GPC5: variants seen among roughly 807,000 people sequenced by gnomAD.
GPC5 encodes glypican-5.
In GPC5, 47 loss-of-function variants were observed where a neutral mutation model predicts 53.9. That is an observed-to-expected ratio of 0.87 (90% CI 0.69 to 1.11). The LOEUF (loss-of-function observed/expected upper bound fraction) is 1.11. GPC5 is among the 50% of genes most tolerant of loss of function. GPC5 has a pLI of 0.00. For synonymous variants in GPC5, 286 were observed against 263.3 expected (o/e 1.09, Z -0.84); for missense variants, 748 against 713.1 (o/e 1.05, Z -0.56).
At chr13:92,100,931 T>C (rs1041582583) in intron 6 of GPC5, among the ~76,000 whole-genome samples, 4 of 152,186 alleles carry the variant, frequency 2.6e-5, no homozygotes, top group Admixed American at 6.5e-5. Flanking sequence ...CATATCTAGC[T>C]ATCAAAATGC....
At chr13:92,518,711 C>G (rs1880897629) in intron 7 of GPC5, among the ~76,000 whole-genome samples, 1 of 152,204 alleles carries the variant, frequency 6.6e-6, no homozygotes, top group Non-Finnish European at 1.5e-5. Context: ...TAGGAAGAAA[C>G]TGCATCAACT....
chr13:92,347,881 ATT>A (rs1491334124), intron 7 of GPC5, among the ~76,000 whole-genome samples: 3 of 2,328 alleles, frequency 1.3e-3, no homozygotes, highest in Non-Finnish European at 1.6e-3. Context: ...TATAATATAT[ATT>A]ATATATATTA....
intron 7 of GPC5, among the ~76,000 whole-genome samples, chr13:92,326,231 C>T (rs2139229580): frequency 1.3e-5 from 2 of 152,162 alleles, no homozygotes; most frequent in South Asian, 4.1e-4. Context: ...TGTAATTCTA[C>T]TTGCCGGTAA....
intron 7 of GPC5, among the ~76,000 whole-genome samples, chr13:92,173,329 A>G (rs2042084056): frequency 1.3e-5 from 2 of 152,226 alleles, no homozygotes; most frequent in South Asian, 4.1e-4. Context: ...CTGGGTTTTT[A>G]GGAAATGAAG....
intron 7 of GPC5, among the ~76,000 whole-genome samples, chr13:92,444,191 G>A (rs771170168): frequency 3.3e-5 from 5 of 152,174 alleles, no homozygotes; most frequent in Non-Finnish European, 5.9e-5. Context: ...CATAGGTATA[G>A]AAGGAATGCC....
intron 2 of GPC5, among the ~76,000 whole-genome samples, chr13:91,524,444 A>G (rs914687516): frequency 2.0e-5 from 3 of 152,182 alleles, no homozygotes; most frequent in Admixed American, 6.5e-5. Context: ...ATTTTTTTAA[A>G]TTTAGATAAT....
chr13:92,137,697 T>G (rs1274017306), intron 6 of GPC5, among the ~76,000 whole-genome samples: 1 of 152,170 alleles, frequency 6.6e-6, no homozygotes, highest in African/African-American at 2.4e-5. Flanking sequence ...GCAATCATGG[T>G]TCACTGCATT....
intron 2 of GPC5, among the ~76,000 whole-genome samples, chr13:91,586,577 G>T (rs1342065614): frequency 1.7e-5 from 2 of 119,570 alleles, no homozygotes; most frequent in African/African-American, 3.2e-5. Flanking sequence ...GAGAGAGAGA[G>T]AGAGAGAGAG....
chr13:92,729,398 C>G (rs1484330281), intron 7 of GPC5, among the ~76,000 whole-genome samples: 1 of 151,302 alleles, frequency 6.6e-6, no homozygotes, highest in Non-Finnish European at 1.5e-5. Context: ...ATAAAACACA[C>G]AATGTATTTC....
rs1458512699 is a variant in GPC5, at chr13:91,398,669, G to GGCGGCGGCAGCGGCGGCA, written c.-368_-367insCGGCGGCAGCGGCGGCAG. 1.3e-3 allele frequency: 122 copies of GGCGGCGGCAGCGGCGGCA among 91,520 alleles called. No homozygotes were observed. The highest frequency in any genetic ancestry group is 4.4e-3 in the African/African-American group (120 of 27,482). The allele number at this position is 91,520 out of a possible 1,614,324, so 5.7% of individuals were successfully genotyped here. ...CGAGCCGGGCGGCGGAGGCGGCGGC[G>GGCGGCGGCAGCGGCGGCA]GCGGCGGCAGTGGCGGCAGTGGCGG... On this transcript the variant is annotated 5_prime_UTR_variant, in exon 1 of 8. Transcript: ENST00000377067.
At chr13:92,272,814 A>T (rs2042849858) in intron 7 of GPC5, among the ~76,000 whole-genome samples, 1 of 152,204 alleles carries the variant, frequency 6.6e-6, no homozygotes, top group Admixed American at 6.5e-5. Context: ...GAGAAATATA[A>T]ACTTTCATAA....
intron 7 of GPC5, among the ~76,000 whole-genome samples, chr13:92,835,806 G>C (rs1878199627): frequency 6.6e-6 from 1 of 151,880 alleles, no homozygotes; most frequent in Non-Finnish European, 1.5e-5. Context: ...ATCTTCACCA[G>C]AAATAAGATC....
At chr13:92,548,294 G>A (rs1016926335) in intron 7 of GPC5, among the ~76,000 whole-genome samples, 64 of 151,480 alleles carry the variant, frequency 4.2e-4, no homozygotes, top group African/African-American at 1.5e-3. Context: ...AATATTTAAA[G>A]TAAATATACC....
intron 7 of GPC5, among the ~76,000 whole-genome samples, chr13:92,669,904 C>T (rs1050337386): frequency 2.6e-5 from 4 of 152,172 alleles, no homozygotes; most frequent in African/African-American, 9.7e-5. Context: ...GGACAATGTA[C>T]CGGAATCCCT....
intron 7 of GPC5, among the ~76,000 whole-genome samples, chr13:92,859,405 A>T (rs1173946927): frequency 1.3e-5 from 2 of 152,078 alleles, no homozygotes; most frequent in East Asian, 3.8e-4. Context: ...GGTACTGCAG[A>T]CTATCACTAC....
At chr13:92,714,156 A>G (rs543650384) in intron 7 of GPC5, among the ~76,000 whole-genome samples, 1 of 152,320 alleles carries the variant, frequency 6.6e-6, no homozygotes, top group African/African-American at 2.4e-5. Flanking sequence ...TACATTTGAT[A>G]GGATGTCATG....
chr13:92,755,399 C>G (rs986575917), intron 7 of GPC5, among the ~76,000 whole-genome samples: 3 of 135,830 alleles, frequency 2.2e-5, no homozygotes, highest in Admixed American at 7.6e-5. Context: ...AATTGATACC[C>G]TAACATCACA....
intron 7 of GPC5, among the ~76,000 whole-genome samples, chr13:92,356,549 AT>A (rs750632841): frequency 1.7e-4 from 26 of 152,312 alleles, no homozygotes; most frequent in Non-Finnish European, 3.1e-4. Context: ...CTTTGAATGT[AT>A]TTTAAAGACA....
In GPC5 at chr13:92,470,905, C is replaced by T. The variant is rs188962580; in HGVS notation, c.1561+325916C>T. ...CATCAGCTATTATAGACCTGCTAATCATGTGTGAGAAGAAGCAAGTTGCTT... is the reference window on the plus strand; with the variant it reads ...CATCAGCTATTATAGACCTGCTAATTATGTGTGAGAAGAAGCAAGTTGCTT... On this transcript the variant is annotated intron_variant, in intron 7 of 7. Transcript: ENST00000377067. Among the ~76,000 whole-genome samples, 459 of 152,212 alleles carry T rather than the reference C, an allele frequency of 3.0e-3. 5 individuals are homozygous for T. The highest frequency in any genetic ancestry group is 0.01 in the African/African-American group (430 of 41,534).
Sources: allele counts gnomAD v4.1 joint callset (sites outside exome capture counted in the v4.1 genomes callset), GRCh38; gene constraint gnomAD v4.1.1; transcripts MANE v1.5; gene names NCBI Gene and HGNC (gene_info 2026-07-23, HGNC 2026-07-21).